The following RMI2 variants were observed in gnomAD, a reference collection of about 807,000 sequenced individuals.
RMI2 encodes RecQ mediated genome instability 2.
RMI2 carries 11 observed loss-of-function variants against 8.4 expected under a neutral mutation model. The observed-to-expected ratio is 1.32, with a 90% confidence interval of 0.83 to 2.18. RMI2 has a LOEUF of 2.18. RMI2 is among the 30% of genes most tolerant of loss of function. RMI2 has a pLI of 0.00. For synonymous variants in RMI2, 105 were observed against 93.8 expected, an observed-to-expected ratio of 1.12 and a Z score of -0.69; for missense variants, 253 against 207.5, an observed-to-expected ratio of 1.22 and a Z score of -1.35.
Position 11,350,745 on chromosome 16 carries a change from T to C in RMI2, c.399T>C (p.Ser133=). 6.2e-7 allele frequency: 1 copy of C among 1,613,592 alleles called. No individual in the cohort carries two copies. The highest frequency in any genetic ancestry group is 2.2e-5 in the East Asian group (1 of 44,862). Residue 133 remains serine, a synonymous_variant, in exon 2 of 2, where the codon AGT becomes AGC. Transcript: ENST00000312499. ...TDLSDNPIHE[S]MWELEVEDLH... is the part of the protein sequence containing the mutation. ...TTTCTGATAATCCCATCCATGAAAGTATGTGGGAACTGGAGGTAGAAGATT... is the reference window on the plus strand; with the variant it reads ...TTTCTGATAATCCCATCCATGAAAGCATGTGGGAACTGGAGGTAGAAGATT...
intron 1 of RMI2, among the ~76,000 whole-genome samples, chr16:11,346,467 G>C (rs557485341): frequency 2.0e-5 from 3 of 152,034 alleles, no homozygotes; most frequent in Non-Finnish European, 4.4e-5. Flanking sequence ...TGCCATGTTG[G>C]CCAGGCTGGT....
chr16:11,350,088 T>C (rs1389627241), intron 1 of RMI2, among the ~76,000 whole-genome samples: 1 of 152,172 alleles, frequency 6.6e-6, no homozygotes, highest in Non-Finnish European at 1.5e-5. Flanking sequence ...TCAGAGGGTG[T>C]CTGCAGAAAG....
chr16:11,350,416 C>G (rs1799689291), intron 1 of RMI2, among the ~76,000 whole-genome samples: 1 of 152,064 alleles, frequency 6.6e-6, no homozygotes, highest in South Asian at 2.1e-4. Context: ...CATGTGAAAC[C>G]CTATCTCTAC....
intron 1 of RMI2, among the ~76,000 whole-genome samples, chr16:11,346,599 C>T (rs945510287): frequency 6.6e-6 from 1 of 152,118 alleles, no homozygotes; most frequent in African/African-American, 2.4e-5. Context: ...AAACTTGAGC[C>T]AGCATCAGTC....
intron 1 of RMI2, among the ~76,000 whole-genome samples, chr16:11,347,409 G>A (rs1047321499): frequency 3.9e-5 from 6 of 152,204 alleles, no homozygotes; most frequent in African/African-American, 1.4e-4. Context: ...CTGAGCTGCT[G>A]TGGACTCGGA....
In RMI2 at chr16:11,349,164, T is replaced by A. The variant is rs1452657343; in HGVS notation, c.296-1478T>A. 1.3e-5 allele frequency: 2 copies of A among 152,304 alleles called. No homozygotes were observed. The highest frequency in any genetic ancestry group is 2.9e-5 in the Non-Finnish European group (2 of 68,094). The allele number at this position is 152,304 out of a possible 1,614,324, so 9.4% of individuals were successfully genotyped here. ...TGCAGGAGAATCAGAGAAACCATGC[T>A]TACCTAGATCGCGCTTGGATCAACT... On this transcript the variant is annotated intron_variant, in intron 1 of 1. Transcript: ENST00000312499. This position sits in a 1 kb window ranked among gnomAD's most constrained non-coding sequence, Gnocchi z 4.2.
chr16:11,346,885 C>G (rs914128057), intron 1 of RMI2, among the ~76,000 whole-genome samples: 1 of 152,242 alleles, frequency 6.6e-6, no homozygotes, highest in Non-Finnish European at 1.5e-5. Context: ...ACCACCACGC[C>G]TGGTTTGGGG....
At chr16:11,350,234 C>T (rs1014015187) in intron 1 of RMI2, among the ~76,000 whole-genome samples, 5 of 152,226 alleles carry the variant, frequency 3.3e-5, no homozygotes, top group African/African-American at 9.6e-5. Context: ...GGAGCGTCTC[C>T]TCCATTCCTT....
chr16:11,347,705 G>A (rs1344209623), intron 1 of RMI2, among the ~76,000 whole-genome samples: 2 of 152,146 alleles, frequency 1.3e-5, no homozygotes, highest in Non-Finnish European at 2.9e-5. Context: ...CGTTGGTCTA[G>A]GACAGGGTCA....
Position 11,345,853 on chromosome 16 carries a change from CG to C in RMI2, c.295+88del, listed in dbSNP as rs1383098933. 5 of 1,075,964 alleles carry C rather than the reference CG, an allele frequency of 4.6e-6. No homozygotes were observed. In the African/African-American group the frequency reaches 8.2e-5, roughly 18 times the overall value. 66.7% of individuals were successfully genotyped at this position (1,075,964 alleles called of 1,614,324 possible). Reference sequence around the variant, plus strand: ...CAGATTCGATCTTGTTGTTGACACTCGAACGGGGGCGGGGCGGGTCTGGCCC... The same window carrying C: ...CAGATTCGATCTTGTTGTTGACACTCAACGGGGGCGGGGCGGGTCTGGCCC... On this transcript the variant is annotated intron_variant, in intron 1 of 1. Coordinates refer to ENST00000312499, the MANE Select transcript of RMI2 (RefSeq NM_152308.3).
intron 1 of RMI2, among the ~76,000 whole-genome samples, chr16:11,346,255 C>CTTTTTTTTTTTTT (rs34808246): frequency 8.6e-6 from 1 of 115,934 alleles, no homozygotes; most frequent in Admixed American, 9.0e-5. Flanking sequence ...TGCCTCCTCT[C>CTTTTTTTTTTTTT]TTTTTTTTTT....
rs961678224 is a variant in RMI2, at chr16:11,345,817, G to C, written c.295+51G>C. On this transcript the variant is annotated intron_variant, in intron 1 of 1. Transcript: ENST00000312499. The stretch of plus-strand genomic sequence containing the variant: ...CCTCTTCCCTGCTGCCCGCCGAGAA[G>C]TTGCCGAGGCCAGATTCGATCTTGT... The C allele has an allele frequency of 7.4e-6, 9 of 1,211,138 alleles. No individual in the cohort carries two copies. In the East Asian group the frequency reaches 2.5e-4, roughly 34 times the overall value. 75.0% of individuals were successfully genotyped at this position (1,211,138 alleles called of 1,614,324 possible).
intron 1 of RMI2, 57 bp downstream of exon 1, chr16:11,345,823 G>A: frequency 5.1e-6 from 6 of 1,185,334 alleles, no homozygotes; most frequent in Non-Finnish European, 6.3e-6. Context: ...AGAAGTTGCC[G>A]AGGCCAGATT....
Position 11,349,936 on chromosome 16 carries a change from C to A in RMI2, c.296-706C>A, listed in dbSNP as rs866233060. Among the ~76,000 whole-genome samples, 1 of 152,176 alleles carries A rather than the reference C, an allele frequency of 6.6e-6. No individual in the cohort carries two copies. The highest frequency in any genetic ancestry group is 2.4e-5 in the African/African-American group (1 of 41,448). On this transcript the variant is annotated intron_variant, in intron 1 of 1. Coordinates refer to ENST00000312499, the MANE Select transcript of RMI2 (RefSeq NM_152308.3). The surrounding 1 kb of genome is among the most constrained non-coding windows in gnomAD (Gnocchi z 4.2). ...ATACGTCATTAGATCATGCCGGTGG[C>A]AGCCGGCCCTTGTGTGGATTTGCTT... is the stretch of plus-strand genomic sequence containing the variant.
Position 11,351,128 on chromosome 16 carries a change from A to G in RMI2, c.*338A>G, listed in dbSNP as rs535069760. 26 of 253,064 alleles carry G rather than the reference A, an allele frequency of 1.0e-4. No individual in the cohort carries two copies. The South Asian group carries it at 1.9e-3, about 18-fold the overall frequency. The allele number at this position is 253,064 out of a possible 1,614,324, so 15.7% of individuals were successfully genotyped here. On this transcript the variant is annotated 3_prime_UTR_variant, in exon 2 of 2. Transcript: ENST00000312499. ...TTTTCCAAATTTTATGAGTGATGAT[A>G]CTTTTTCCATTACTGCTGCGTCCCT...
At chr16:11,346,854 T>G (rs1367276883) in intron 1 of RMI2, among the ~76,000 whole-genome samples, 1 of 152,184 alleles carries the variant, frequency 6.6e-6, no homozygotes, top group Non-Finnish European at 1.5e-5. Flanking sequence ...CCTCCTTGGG[T>G]AGCTGGGACT....
Position 11,351,625 on chromosome 16 carries a change from T to G in RMI2, c.*835T>G, listed in dbSNP as rs1004743882. The G allele has an allele frequency of 2.2e-5, 5 of 231,450 alleles. No homozygotes were observed. The highest frequency in any genetic ancestry group is 1.8e-4 in the South Asian group (1 of 5,518). 14.3% of individuals were successfully genotyped at this position (231,450 alleles called of 1,614,324 possible). On this transcript the variant is annotated 3_prime_UTR_variant, in exon 2 of 2. Transcript: ENST00000312499. The stretch of plus-strand genomic sequence containing the variant: ...GCTGTGATGGTTTTGAATGTTGGGT[T>G]TCTGCTGTCTGCTTAGTACCCATGC...
chr16:11,348,906 G>A (rs1001525820), intron 1 of RMI2: 3 of 152,444 alleles, frequency 2.0e-5, no homozygotes, highest in Non-Finnish European at 2.9e-5. Context: ...TGGGGAGCCT[G>A]GGGCAGTGGT....
chr16:11,350,638 C>G lies in RMI2; in HGVS notation c.296-4C>G. ...ATTACTATGGGCTTTTCTTCTTTTT[C>G]TAGGAAAGTATGTGATGGTGATGGG... On this transcript the variant is annotated splice_polypyrimidine_tract_variant and splice_region_variant and intron_variant, in intron 1 of 1. Coordinates refer to ENST00000312499, the MANE Select transcript of RMI2 (RefSeq NM_152308.3). 1 of 1,543,466 alleles carries G rather than the reference C, an allele frequency of 6.5e-7. No individual in the cohort carries two copies.
Sources: allele counts gnomAD v4.1 joint callset (sites outside exome capture counted in the v4.1 genomes callset), GRCh38; gene constraint gnomAD v4.1.1; non-coding constraint Gnocchi (gnomAD v3.1); transcripts MANE v1.5; gene names NCBI Gene and HGNC (gene_info 2026-07-23, HGNC 2026-07-21).